The following RFX1 variants were observed in gnomAD, a reference collection of about 807,000 sequenced individuals.
The protein encoded by RFX1 is MHC class II regulatory factor RFX1.
A neutral mutation model predicts 119.6 loss-of-function variants in RFX1; 42 were observed. The observed-to-expected ratio is 0.35, with a 90% confidence interval of 0.27 to 0.45. The LOEUF is 0.45. Among genes scored for constraint, RFX1 ranks in the 20% least tolerant of loss-of-function variants. RFX1 has a pLI of 1.00. For missense variants in RFX1, 1,118 were observed against 1,368.1 expected (o/e 0.82, Z 2.88); for synonymous variants, 628 against 618.5 (o/e 1.02, Z -0.23).
Position 13,969,883 on chromosome 19 carries a change from G to C in RFX1, c.1496+111C>G. The C allele has an allele frequency of 2.7e-6, 3 of 1,129,312 alleles. No individual in the cohort carries two copies. Among genetic ancestry groups the C allele is most frequent in the Non-Finnish European group, 3.7e-6 (3 of 804,408 alleles). The allele number at this position is 1,129,312 out of a possible 1,614,324, so 70.0% of individuals were successfully genotyped here. The stretch of plus-strand genomic sequence containing the variant: ...GGGGCTGTCGAGGAGCCTCGCAGAG[G>C]CCGGCGGGACTGGGCTGGACTGGAC... On this transcript the variant is annotated intron_variant, in intron 10 of 20. Coordinates refer to ENST00000254325, the MANE Select transcript of RFX1 (RefSeq NM_002918.5). This position sits in a 1 kb window ranked among gnomAD's most constrained non-coding sequence, Gnocchi z 4.5.
At position 13,990,970 on chromosome 19, in the gene RFX1, C is replaced by A. The variant is rs1031405730; in HGVS notation, c.319+2555G>T. On this transcript the variant is annotated intron_variant, in intron 2 of 20. Coordinates refer to ENST00000254325, the MANE Select transcript of RFX1 (RefSeq NM_002918.5). The surrounding 1 kb of genome is among the most constrained non-coding windows in gnomAD (Gnocchi z 4.1). ...CTCCAGCCTGGGCGACAGAGCAAGA[C>A]CCTGTCTCAAAAAATAAATACATAA... is the stretch of plus-strand genomic sequence containing the variant. Among the ~76,000 whole-genome samples, 1 of 152,154 alleles carries A rather than the reference C, an allele frequency of 6.6e-6. No homozygotes were observed. The highest frequency in any genetic ancestry group is 6.5e-5 in the Admixed American group (1 of 15,272).
In RFX1 at chr19:13,966,677, C is replaced by T. The variant is rs199653217; in HGVS notation, c.1807G>A (p.Gly603Arg). ...AGGACCTGGAAGGCTTTGATGTCCC[C>T]GGGCCCGACGCCCTCAGGCAGCACC... ...GKVLPEGVGP[G>R]DIKAFQVLYR... The change falls in exon 13 of 21, where the codon GGG becomes AGG. Residue 603 changes from glycine to arginine, a missense_variant. Physicochemically the swap from Gly to Arg is moderately radical, Grantham distance 125. Around this residue, in one of 5 missense-constraint regions of RFX1, gnomAD observed 338 missense variants for 508.9 expected, o/e 0.66. Coordinates refer to ENST00000254325, the MANE Select transcript of RFX1 (RefSeq NM_002918.5). This position sits in a 1 kb window ranked among gnomAD's most constrained non-coding sequence, Gnocchi z 6.3. 2.5e-5 allele frequency: 41 copies of T among 1,611,014 alleles called. No individual in the cohort carries two copies. Among genetic ancestry groups the T allele is most frequent in the East Asian group, 1.6e-4 (7 of 44,764 alleles).
At position 13,988,512 on chromosome 19, in the gene RFX1, C is replaced by T. The variant is rs112881139; in HGVS notation, c.320-4917G>A. ...CCCATCAGACACTCTGGGCGCCAAG[C>T]AGAGCCATCCACTGGTGACATGCGA... is the stretch of plus-strand genomic sequence containing the variant. On this transcript the variant is annotated intron_variant, in intron 2 of 20. Transcript: ENST00000254325. Among the ~76,000 whole-genome samples the T allele has an allele frequency of 5.4e-3, 823 of 152,314 alleles. 8 individuals are homozygous for T. The highest frequency in any genetic ancestry group is 0.019 in the African/African-American group (770 of 41,558).
chr19:13,968,558 C>G lies in RFX1; in HGVS notation c.1732+7G>C. ...GGTTGGGGAAGCACGGGCCAGGGAG[C>G]TCTCACCCAAAAATTGCTGGTACTG... is the stretch of plus-strand genomic sequence containing the variant. On this transcript the variant is annotated splice_region_variant and intron_variant, in intron 12 of 20. Transcript: ENST00000254325. The surrounding 1 kb of genome is among the most constrained non-coding windows in gnomAD (Gnocchi z 5.5). 2 of 1,608,926 alleles carry G rather than the reference C, an allele frequency of 1.2e-6. No individual in the cohort carries two copies. Among genetic ancestry groups the G allele is most frequent in the South Asian group, 1.1e-5 (1 of 91,002 alleles).
intron 8 of RFX1, among the ~76,000 whole-genome samples, chr19:13,977,314 A>G (rs931976993): frequency 4.0e-5 from 6 of 151,870 alleles, no homozygotes; most frequent in Middle Eastern, 3.2e-3. Context: ...ACAAAAAAAA[A>G]GAAAAAAATG....
At chr19:13,983,321 C>G in intron 3 of RFX1, 51 bp from the exon 4 acceptor site, 8 of 1,473,672 alleles carry the variant, frequency 5.4e-6, no homozygotes, top group Non-Finnish European at 7.3e-6. Context: ...CCAGGGAGGC[C>G]TGGCGTGGTT....
At chr19:13,967,634 A>AC (rs1237778943) in intron 12 of RFX1, among the ~76,000 whole-genome samples, 3 of 150,172 alleles carry the variant, frequency 2.0e-5, no homozygotes, top group Non-Finnish European at 4.4e-5. Flanking sequence ...CCGCCACCAC[A>AC]CCCGGCTAAT....
At chr19:13,987,160 C>T (rs901065855) in intron 2 of RFX1, among the ~76,000 whole-genome samples, 4 of 152,234 alleles carry the variant, frequency 2.6e-5, no homozygotes, top group Non-Finnish European at 5.9e-5. Context: ...GGCCCCTGTT[C>T]CCTGCAGGCC....
At chr19:13,972,485 C>T (rs754746564) in intron 9 of RFX1, among the ~76,000 whole-genome samples, 5 of 152,180 alleles carry the variant, frequency 3.3e-5, no homozygotes, top group Admixed American at 6.5e-5. Context: ...TGAGCCACAG[C>T]GCCCAGCCAA....
At chr19:14,004,973 A>G (rs897353806) in intron 1 of RFX1, among the ~76,000 whole-genome samples, 6 of 152,210 alleles carry the variant, frequency 3.9e-5, no homozygotes, top group Non-Finnish European at 7.3e-5. Context: ...AGAGGCTGGG[A>G]CCTTGTCAGT....
chr19:13,982,029 G>T (rs1974444025), intron 5 of RFX1, 92 bp downstream of exon 5: 1 of 500,786 alleles, frequency 2.0e-6, no homozygotes. Context: ...GGCTTGGGGG[G>T]CGGGGCAGGG....
At chr19:13,982,697 A>G (rs570265518) in intron 4 of RFX1, among the ~76,000 whole-genome samples, 1 of 152,292 alleles carries the variant, frequency 6.6e-6, no homozygotes, top group South Asian at 2.1e-4. Flanking sequence ...TCAGCTACTC[A>G]GGAGGCTGAG....
chr19:13,979,304 G>T, intron 7 of RFX1, 143 bp downstream of exon 7: 1 of 510,402 alleles, frequency 2.0e-6, no homozygotes, highest in Non-Finnish European at 3.4e-6. Flanking sequence ...AGCTGCCAGG[G>T]GGCCGGGAAA....
chr19:13,964,193 GC>G (rs1202971424), intron 16 of RFX1, 186 bp from the exon 17 acceptor site: 1 of 583,578 alleles, frequency 1.7e-6, no homozygotes. Flanking sequence ...ACTCACAAGC[GC>G]CCCCCAAAAT....
At chr19:13,991,725 G>A (rs988091923) in intron 2 of RFX1, among the ~76,000 whole-genome samples, 3 of 151,624 alleles carry the variant, frequency 2.0e-5, no homozygotes, top group South Asian at 2.1e-4. Context: ...GCAGTGGCAC[G>A]ATCTCAGCTC....
chr19:13,995,337 T>C (rs938272216), intron 1 of RFX1, among the ~76,000 whole-genome samples: 3 of 151,934 alleles, frequency 2.0e-5, no homozygotes, highest in Non-Finnish European at 4.4e-5. Context: ...CTCGGCTGAG[T>C]AGCATTCCCA....
chr19:13,967,106 G>A (rs1175451859), intron 12 of RFX1, among the ~76,000 whole-genome samples: 1 of 152,214 alleles, frequency 6.6e-6, no homozygotes, highest in Non-Finnish European at 1.5e-5. Context: ...ACTGCCCTGA[G>A]CCTAAGCACC....
rs931900709 is a variant in RFX1, at chr19:13,966,761, C to CG, written c.1733-11dup. ...AGGCTCCGAGAGGCATCTAGGGGGC[C>CG]GGGGGGAACCGTGAGGCCCTTCATC... On this transcript the variant is annotated splice_polypyrimidine_tract_variant and intron_variant, in intron 12 of 20. Coordinates refer to ENST00000254325, the MANE Select transcript of RFX1 (RefSeq NM_002918.5). The surrounding 1 kb of genome is among the most constrained non-coding windows in gnomAD (Gnocchi z 6.3). The CG allele has an allele frequency of 7.0e-6, 11 of 1,579,344 alleles. No individual in the cohort carries two copies. Among genetic ancestry groups the CG allele is most frequent in the South Asian group, 1.1e-5 (1 of 89,002 alleles).
At position 13,966,767 on chromosome 19, in the gene RFX1, G is replaced by A. The variant is rs766532331; in HGVS notation, c.1733-16C>T. 150 of 1,552,776 alleles carry A rather than the reference G, an allele frequency of 9.7e-5. 1 individual carries two copies. The South Asian group carries it at 1.7e-3, about 17-fold the overall frequency. Reference sequence around the variant, plus strand: ...CGAGAGGCATCTAGGGGGCCGGGGGGAACCGTGAGGCCCTTCATCCCCCTT... The same window carrying A: ...CGAGAGGCATCTAGGGGGCCGGGGGAAACCGTGAGGCCCTTCATCCCCCTT... On this transcript the variant is annotated splice_polypyrimidine_tract_variant and intron_variant, in intron 12 of 20. Transcript: ENST00000254325. The surrounding 1 kb of genome is among the most constrained non-coding windows in gnomAD (Gnocchi z 6.3).
Sources: allele counts gnomAD v4.1 joint callset (sites outside exome capture counted in the v4.1 genomes callset), GRCh38; gene constraint gnomAD v4.1.1; regional missense constraint gnomAD v4.1.1; non-coding constraint Gnocchi (gnomAD v3.1); transcripts MANE v1.5; gene names NCBI Gene and HGNC (gene_info 2026-07-23, HGNC 2026-07-21).